LRRTM4: variants seen among roughly 807,000 people sequenced by gnomAD.
LRRTM4 encodes leucine-rich repeat transmembrane neuronal protein 4.
In LRRTM4, 25 loss-of-function variants were observed where a neutral mutation model predicts 47.6. The observed-to-expected ratio is 0.53, with a 90% confidence interval of 0.38 to 0.73. The LOEUF is 0.73. Among genes scored for constraint, LRRTM4 ranks in the 30% least tolerant of loss-of-function variants. The pLI is 0.00. For synonymous variants in LRRTM4, 311 were observed against 269.5 expected (o/e 1.15, Z -1.51); for missense variants, 638 against 713.4 (o/e 0.89, Z 1.20).
chr2:76,919,619 T>A (rs113784960), intron 3 of LRRTM4, among the ~76,000 whole-genome samples: 4,003 of 152,250 alleles, frequency 0.026, 167 homozygotes, highest in African/African-American at 0.086. Context: ...ATACGAGCCC[T>A]GACATTTTTT....
intron 3 of LRRTM4, among the ~76,000 whole-genome samples, chr2:76,899,823 G>A (rs1673560656): frequency 6.6e-6 from 1 of 152,162 alleles, no homozygotes; most frequent in African/African-American, 2.4e-5. Context: ...TTAGATCTAT[G>A]AGAGCTAGAA....
chr2:77,290,732 G>C (rs1282084820), intron 3 of LRRTM4, among the ~76,000 whole-genome samples: 8 of 151,886 alleles, frequency 5.3e-5, no homozygotes, highest in African/African-American at 1.7e-4. Flanking sequence ...TCTAGGATTA[G>C]CCTCTAAATT....
At position 76,837,658 on chromosome 2, in the gene LRRTM4, T is replaced by A. The variant is rs75321482; in HGVS notation, c.1552-88742A>T. 6.2e-4 allele frequency among the ~76,000 whole-genome samples: 94 copies of A among 152,258 alleles called. No homozygotes were observed. In the East Asian group the frequency reaches 0.018, roughly 29 times the overall value. On this transcript the variant is annotated intron_variant, in intron 3 of 3. Coordinates refer to ENST00000409884, the MANE Select transcript of LRRTM4 (RefSeq NM_001134745.3). ...ACACGCATGTTTATTGCAGCACTAT[T>A]CACAATAGCAAAGACTTGGAACCAA...
At chr2:76,842,597 G>A (rs1282988322) in intron 3 of LRRTM4, among the ~76,000 whole-genome samples, 1 of 152,156 alleles carries the variant, frequency 6.6e-6, no homozygotes, top group Non-Finnish European at 1.5e-5. Flanking sequence ...TATATATTAA[G>A]ATAAAGTGTT....
intron 3 of LRRTM4, among the ~76,000 whole-genome samples, chr2:77,425,490 GGCAA>G (rs1328486681): frequency 6.6e-6 from 1 of 152,022 alleles, no homozygotes; most frequent in Non-Finnish European, 1.5e-5. Flanking sequence ...TCTTATGTTA[GGCAA>G]TCCATTTTCT....
chr2:77,124,212 CAA>C (rs935769983), intron 3 of LRRTM4, among the ~76,000 whole-genome samples: 1 of 152,006 alleles, frequency 6.6e-6, no homozygotes, highest in Non-Finnish European at 1.5e-5. Flanking sequence ...GGCAAAAAAA[CAA>C]AGAGATCCAA....
chr2:77,135,877 T>G (rs1331254404), intron 3 of LRRTM4, among the ~76,000 whole-genome samples: 3 of 152,240 alleles, frequency 2.0e-5, no homozygotes, highest in Non-Finnish European at 4.4e-5. Context: ...ATAAATAAAT[T>G]TTTACATTTT....
intron 3 of LRRTM4, among the ~76,000 whole-genome samples, chr2:77,296,494 G>T (rs867289109): frequency 1.3e-5 from 2 of 151,996 alleles, no homozygotes; most frequent in East Asian, 1.9e-4. Flanking sequence ...ATGGTACGTT[G>T]TTCCTGAACA....
chr2:77,065,928 C>A (rs1297104662), intron 3 of LRRTM4, among the ~76,000 whole-genome samples: 1 of 152,018 alleles, frequency 6.6e-6, no homozygotes, highest in African/African-American at 2.4e-5. Context: ...TGCTACAGCA[C>A]CAAGCACACA....
At chr2:76,810,743 G>A (rs1670707496) in intron 3 of LRRTM4, among the ~76,000 whole-genome samples, 1 of 152,084 alleles carries the variant, frequency 6.6e-6, no homozygotes, top group Non-Finnish European at 1.5e-5. Flanking sequence ...GCTTCAGTAG[G>A]ATTATTGGCC....
chr2:77,218,502 CTTTA>C (rs10607132), intron 3 of LRRTM4, among the ~76,000 whole-genome samples: 66,220 of 145,944 alleles, frequency 0.45, 15,233 homozygotes, highest in Non-Finnish European at 0.49. Context: ...CCATGTTCTG[CTTTA>C]TTTATTTATT....
At chr2:76,802,236 C>CA (rs60771411) in intron 3 of LRRTM4, among the ~76,000 whole-genome samples, 1,461 of 139,292 alleles carry the variant, frequency 0.01, 11 homozygotes, top group Middle Eastern at 0.023. Context: ...AAGACTCCAC[C>CA]AAAAAAAAAA....
intron 3 of LRRTM4, among the ~76,000 whole-genome samples, chr2:77,021,102 C>CTATG (rs1488669749): frequency 2.6e-4 from 34 of 130,524 alleles, no homozygotes; most frequent in Admixed American, 7.9e-5. Context: ...CTGTATCTAT[C>CTATG]TATCTATGTA....
chr2:77,336,739 A>G (rs549188346), intron 3 of LRRTM4, among the ~76,000 whole-genome samples: 3 of 152,292 alleles, frequency 2.0e-5, no homozygotes, highest in Admixed American at 6.5e-5. Flanking sequence ...GCTATCAATG[A>G]CAAACCCACA....
At chr2:77,017,549 C>T (rs903737363) in intron 3 of LRRTM4, among the ~76,000 whole-genome samples, 5 of 152,106 alleles carry the variant, frequency 3.3e-5, no homozygotes, top group Non-Finnish European at 2.9e-5. Context: ...AAAGTAGTGG[C>T]CACATCTCTC....
intron 3 of LRRTM4, among the ~76,000 whole-genome samples, chr2:77,173,591 T>G (rs547651278): frequency 1.3e-5 from 2 of 152,298 alleles, no homozygotes; most frequent in African/African-American, 2.4e-5. Context: ...CTCCTTCCAC[T>G]GTATACTGTC....
At chr2:77,483,407 C>A (rs2104024029) in intron 3 of LRRTM4, among the ~76,000 whole-genome samples, 1 of 152,200 alleles carries the variant, frequency 6.6e-6, no homozygotes, top group South Asian at 2.1e-4. Context: ...ATGGTATGAT[C>A]TCTGCTCACT....
Position 77,440,881 on chromosome 2 carries a change from T to C in LRRTM4, c.1551+77437A>G, listed in dbSNP as rs1675813099. On this transcript the variant is annotated intron_variant, in intron 3 of 3. Coordinates refer to ENST00000409884, the MANE Select transcript of LRRTM4 (RefSeq NM_001134745.3). ...TGCAGGAATGAGTGTAATATTTTAA[T>C]AGAACAGTCTTTATTTGTCATTTCA... 2.0e-5 allele frequency among the ~76,000 whole-genome samples: 3 copies of C among 152,346 alleles called. 1 individual carries two copies.
intron 3 of LRRTM4, among the ~76,000 whole-genome samples, chr2:76,775,259 T>G (rs79902005): frequency 0.018 from 2,676 of 152,308 alleles, 79 homozygotes; most frequent in African/African-American, 0.058. Flanking sequence ...CCTTCCAGAC[T>G]TTCATAATGT....
Sources: gnomAD v4.1 joint callset for allele counts (sites outside exome capture counted in the v4.1 genomes callset) on GRCh38, gnomAD v4.1.1 for gene constraint, MANE v1.5 for transcripts, NCBI Gene and HGNC (gene_info 2026-07-23, HGNC 2026-07-21) for gene names.